The following SLC2A5 variants were observed in gnomAD, a reference collection of about 807,000 sequenced individuals.
The protein encoded by SLC2A5 is solute carrier family 2, facilitated glucose transporter member 5.
SLC2A5 carries 56 observed loss-of-function variants against 50.3 expected under a neutral mutation model. That is an observed-to-expected ratio of 1.11 (90% CI 0.90 to 1.39). The LOEUF is 1.39. Ranked by LOEUF, SLC2A5 falls within the 40% of genes most tolerant of loss-of-function variation. The probability of loss-of-function intolerance (pLI) is 0.00; values close to 1 mark genes in which losing one functional copy is unlikely to be tolerated. For synonymous variants in SLC2A5, 269 were observed against 281.9 expected (o/e 0.95, Z 0.46); for missense variants, 566 against 650.1 (o/e 0.87, Z 1.41).
intron 5 of SLC2A5, chr1:9,041,163 C>G: frequency 2.6e-6 from 1 of 382,868 alleles, no homozygotes; most frequent in Non-Finnish European, 4.6e-6. Context: ...CTGGCGGGAA[C>G]TGGCTTATGT....
chr1:9,071,554 TG>T, upstream of SLC2A5: 1 of 151,996 alleles, frequency 6.6e-6, no homozygotes, highest in Non-Finnish European at 1.5e-5. Context: ...CGGGGGTCGC[TG>T]GGGGGGACGC....
intron 1 of SLC2A5, among the ~76,000 whole-genome samples, chr1:9,066,220 T>C (rs1642078009): frequency 6.6e-6 from 1 of 152,156 alleles, no homozygotes; most frequent in Admixed American, 6.5e-5. Context: ...TGGGGAACTT[T>C]ATTCAACAAT....
intron 3 of SLC2A5, among the ~76,000 whole-genome samples, chr1:9,052,691 A>G (rs898265384): frequency 8.5e-5 from 13 of 152,268 alleles, no homozygotes; most frequent in Middle Eastern, 3.4e-3. Flanking sequence ...CCTCTTCTCA[A>G]TTATGTGAGC....
chr1:9,067,286 G>A (rs1463108625), intron 1 of SLC2A5, among the ~76,000 whole-genome samples: 4 of 152,320 alleles, frequency 2.6e-5, no homozygotes, highest in South Asian at 2.1e-4. Context: ...TCTCAGGAGC[G>A]GGAAGCCCAT....
intron 1 of SLC2A5, among the ~76,000 whole-genome samples, chr1:9,061,438 A>AT (rs1334124903): frequency 6.7e-6 from 1 of 149,924 alleles, no homozygotes; most frequent in African/African-American, 2.4e-5. Context: ...TCCTGTCTCT[A>AT]CCAAAAAAAT....
intron 2 of SLC2A5, among the ~76,000 whole-genome samples, chr1:9,076,004 G>A (rs2124470795): frequency 6.7e-6 from 1 of 148,552 alleles, no homozygotes; most frequent in East Asian, 2.0e-4. Context: ...TGCCCAGGCT[G>A]GGGTGCAGTG....
chr1:9,053,950 T>C (rs886646266), intron 3 of SLC2A5, among the ~76,000 whole-genome samples: 2 of 151,714 alleles, frequency 1.3e-5, no homozygotes, highest in Non-Finnish European at 2.9e-5. Flanking sequence ...AAAACAATGA[T>C]AGAAAGTAGA....
At position 9,063,990 on chromosome 1, in the gene SLC2A5, C is replaced by T. The variant is rs559888408; in HGVS notation, c.33+5514G>A. ...GATTACAGGCGTGAGCCACCGCGCC[C>T]GGCCTATTTACATTTTTTATAGAGA... On this transcript the variant is annotated intron_variant, in intron 1 of 11. Coordinates refer to ENST00000377424, the MANE Select transcript of SLC2A5 (RefSeq NM_003039.3). Among the ~76,000 whole-genome samples, 10 of 130,466 alleles carry T rather than the reference C, an allele frequency of 7.7e-5. 2 individuals are homozygous for T. Among genetic ancestry groups the T allele is most frequent in the East Asian group, 4.3e-4 (2 of 4,656 alleles). 85.6% of individuals were successfully genotyped at this position (130,466 alleles called of 152,430 possible).
At chr1:9,051,633 A>C (rs1234402491) in intron 3 of SLC2A5, among the ~76,000 whole-genome samples, 4 of 152,216 alleles carry the variant, frequency 2.6e-5, no homozygotes, top group Non-Finnish European at 4.4e-5. Flanking sequence ...AACTCTGACA[A>C]CACCAAATGC....
At chr1:9,066,170 T>C (rs1011201182) in intron 1 of SLC2A5, among the ~76,000 whole-genome samples, 8 of 152,108 alleles carry the variant, frequency 5.3e-5, no homozygotes, top group African/African-American at 1.9e-4. Context: ...CAAAAATGTG[T>C]CTTTATTTTC....
rs1009413835 is a variant in SLC2A5 at position 9,035,149 on chromosome 1, G to C, written c.*2437C>G. 2.6e-5 allele frequency: 4 copies of C among 152,188 alleles called. No individual in the cohort carries two copies. The highest frequency in any genetic ancestry group is 5.9e-5 in the Non-Finnish European group (4 of 68,034). 9.4% of individuals were successfully genotyped at this position (152,188 alleles called of 1,614,324 possible). A position where few individuals can be genotyped will look rare whatever the true frequency, so the allele number is the denominator to read the frequency against. ...TGGACATGTGAGACATTTACTATTA[G>C]TGCCATTTAACAGAAGAGAAGACTG... On this transcript the variant is annotated 3_prime_UTR_variant, in exon 12 of 12. Transcript: ENST00000377424.
upstream of SLC2A5, among the ~76,000 whole-genome samples, chr1:9,074,596 T>C (rs2124468613): frequency 6.6e-6 from 1 of 152,326 alleles, no homozygotes; most frequent in South Asian, 2.1e-4. Flanking sequence ...GACAGCTCCT[T>C]GCATGACTCA....
chr1:9,041,712 C>T (rs1269895264), intron 5 of SLC2A5, 73 bp downstream of exon 5: 1 of 1,612,580 alleles, frequency 6.2e-7, no homozygotes, highest in East Asian at 2.2e-5. Context: ...GTGGTGGTGG[C>T]TTTGGAACAC....
At chr1:9,068,814 C>A (rs1642150505) in intron 1 of SLC2A5, among the ~76,000 whole-genome samples, 1 of 152,210 alleles carries the variant, frequency 6.6e-6, no homozygotes, top group Non-Finnish European at 1.5e-5. Context: ...CAAAAATGTG[C>A]ACTATCCTTC....
intron 1 of SLC2A5, among the ~76,000 whole-genome samples, chr1:9,062,800 A>T (rs1275733383): frequency 6.6e-6 from 1 of 152,118 alleles, no homozygotes; most frequent in African/African-American, 2.4e-5. Flanking sequence ...TGAACCTGGG[A>T]GATGGAGGTT....
intron 10 of SLC2A5, 91 bp downstream of exon 10, chr1:9,038,340 G>C (rs555459852): frequency 2.1e-6 from 2 of 935,214 alleles, no homozygotes; most frequent in East Asian, 4.9e-5. Flanking sequence ...AGGCTGCATT[G>C]GCCATCCCTG....
At chr1:9,054,599 C>T (rs767611289) in intron 3 of SLC2A5, among the ~76,000 whole-genome samples, 5 of 152,104 alleles carry the variant, frequency 3.3e-5, no homozygotes, top group Non-Finnish European at 7.3e-5. Flanking sequence ...CCAGATCTAT[C>T]TGGAAGAACA....
At chr1:9,067,100 C>A (rs2478869) in intron 1 of SLC2A5, among the ~76,000 whole-genome samples, 92,647 of 152,084 alleles carry the variant, frequency 0.61, 28,530 homozygotes, top group East Asian at 0.87. Context: ...CCCTCCTCCC[C>A]GGACCGCGCA....
Position 9,041,920 on chromosome 1 carries a change from C to G in SLC2A5, c.436G>C (p.Val146Leu), listed in dbSNP as rs777749947. Residue 146 changes from valine (V) to leucine (L), a missense_variant, in exon 5 of 12, where the codon GTC becomes CTC. Transcript: ENST00000377424. ...GCCAGCTCCCCTAAGTACATGGGGACCACGTTGGAAGATACACCTGGGAGG... is the reference window on the plus strand; with the variant it reads ...GCCAGCTCCCCTAAGTACATGGGGAGCACGTTGGAAGATACACCTGGGAGG... ...GICAGVSSNV[V>L]PMYLGELAPK... The G allele has an allele frequency of 6.2e-7, 1 of 1,607,834 alleles. No homozygotes were observed. The highest frequency in any genetic ancestry group is 8.5e-7 in the Non-Finnish European group (1 of 1,177,214).
Sources: allele counts gnomAD v4.1 joint callset (sites outside exome capture counted in the v4.1 genomes callset), GRCh38; gene constraint gnomAD v4.1.1; transcripts MANE v1.5; gene names NCBI Gene and HGNC (gene_info 2026-07-23, HGNC 2026-07-21).